Variants in AFF2 observed in about 807,000 individuals in gnomAD.
AFF2 encodes the protein AF4/FMR2 family member 2.
In AFF2, 14 loss-of-function variants were observed where a neutral mutation model predicts 76.9. That is an observed-to-expected ratio of 0.18 (90% CI 0.12 to 0.28). The LOEUF is 0.28. Among genes scored for constraint, AFF2 ranks in the 10% least tolerant of loss-of-function variants. The pLI is 1.00. For synonymous variants in AFF2, 398 were observed against 366.7 expected, an observed-to-expected ratio of 1.09 and a Z score of -0.98; for missense variants, 868 against 1,001.1, an observed-to-expected ratio of 0.87 and a Z score of 1.79.
chrX:148,844,274 T>C (rs146749040), intron 7 of AFF2, among the ~76,000 whole-genome samples: 114 of 111,688 alleles, frequency 1.0e-3, no homozygotes, highest in African/African-American at 3.0e-3. Flanking sequence ...TATTTGCAGG[T>C]CATCAGGCAC....
intron 3 of AFF2, among the ~76,000 whole-genome samples, chrX:148,729,985 T>C (rs2055202415): frequency 1.8e-5 from 2 of 111,947 alleles, no homozygotes; most frequent in African/African-American, 3.2e-5. Flanking sequence ...TTCTACGCAT[T>C]TGTGTGAGTG....
At chrX:148,748,093 A>T (rs781961428) in intron 3 of AFF2, among the ~76,000 whole-genome samples, 8 of 112,117 alleles carry the variant, frequency 7.1e-5, no homozygotes, top group African/African-American at 2.6e-4. Flanking sequence ...GTAATTTTTC[A>T]ATGACGGCTT....
At chrX:148,704,368 GTATATATATATTTATATATATGTGTAGA>G (rs2054847137) in intron 3 of AFF2, among the ~76,000 whole-genome samples, 2 of 27,281 alleles carry the variant, frequency 7.3e-5, no homozygotes, top group Non-Finnish European at 1.2e-4. Flanking sequence ...ATATATGTGT[GTATATATATATTTATATATATGTGTAGA>G]TATATATTTA....
At chrX:148,695,945 T>C (rs1557261228) in intron 3 of AFF2, among the ~76,000 whole-genome samples, 1 of 112,180 alleles carries the variant, frequency 8.9e-6, no homozygotes, top group Non-Finnish European at 1.9e-5. Flanking sequence ...CATGGAGTTA[T>C]TTGATCACTT....
chrX:148,955,572 A>C, intron 10 of AFF2, 31 bp from the exon 11 acceptor site: 6 of 1,179,710 alleles, frequency 5.1e-6, no homozygotes, highest in Non-Finnish European at 5.7e-6. Context: ...AAGTGTAAAA[A>C]TCATTCTTGC....
chrX:148,809,790 G>T, intron 3 of AFF2, 86 bp from the exon 4 acceptor site: 1 of 935,445 alleles, frequency 1.1e-6, no homozygotes, highest in Non-Finnish European at 1.5e-6. Context: ...AGATTTTCTT[G>T]CTTTACAGTT....
At chrX:148,728,719 C>A (rs2055188420) in intron 3 of AFF2, among the ~76,000 whole-genome samples, 1 of 112,257 alleles carries the variant, frequency 8.9e-6, no homozygotes, top group Non-Finnish European at 1.9e-5. Flanking sequence ...TTGTAAGCAC[C>A]TTATTCCAAT....
intron 8 of AFF2, among the ~76,000 whole-genome samples, chrX:148,894,343 A>T (rs2071257563): frequency 9.0e-6 from 1 of 111,242 alleles, no homozygotes; most frequent in African/African-American, 3.3e-5. Flanking sequence ...AACACCAAGG[A>T]CCTTGTTCTG....
At chrX:148,557,921 G>A (rs782448410) in intron 1 of AFF2, among the ~76,000 whole-genome samples, 6 of 111,917 alleles carry the variant, frequency 5.4e-5, no homozygotes, top group African/African-American at 1.9e-4. Flanking sequence ...TATTCACAGA[G>A]AGGTTAAATA....
At chrX:148,733,140 G>T (rs1271400733) in intron 3 of AFF2, among the ~76,000 whole-genome samples, 1 of 111,762 alleles carries the variant, frequency 8.9e-6, no homozygotes, top group African/African-American at 3.2e-5. Flanking sequence ...TTTTACCCTT[G>T]TAAGTGAGCT....
Position 148,953,476 on chromosome X carries a change from C to T in AFF2, c.1398-104C>T, listed in dbSNP as rs1159547358. 16 of 921,254 alleles carry T rather than the reference C, an allele frequency of 1.7e-5. No individual in the cohort carries two copies. The East Asian group carries it at 4.7e-4, about 27-fold the overall frequency. The allele number at this position is 921,254 out of a possible 1,213,427, so 75.9% of individuals were successfully genotyped here. A position where few individuals can be genotyped will look rare whatever the true frequency, so the allele number is the denominator to read the frequency against. On this transcript the variant is annotated intron_variant, in intron 9 of 20. Transcript: ENST00000370460. ...TATAAAATGGGAACGGTAAACCCCACTCTACCTGCATTTCACAGACCACAG... is the reference window on the plus strand; with the variant it reads ...TATAAAATGGGAACGGTAAACCCCATTCTACCTGCATTTCACAGACCACAG...
chrX:148,690,681 G>T (rs141748585), intron 3 of AFF2, among the ~76,000 whole-genome samples: 3,968 of 112,276 alleles, frequency 0.035, 178 homozygotes, highest in African/African-American at 0.12. Flanking sequence ...TGTGCTCAGG[G>T]GCTAAACTGC....
intron 3 of AFF2, among the ~76,000 whole-genome samples, chrX:148,723,335 G>A (rs922981561): frequency 1.8e-5 from 2 of 111,653 alleles, no homozygotes; most frequent in African/African-American, 6.5e-5. Context: ...TTTGATAAGG[G>A]AGAAATTTAA....
chrX:148,527,084 G>T (rs1557235302), intron 1 of AFF2, among the ~76,000 whole-genome samples: 1 of 112,018 alleles, frequency 8.9e-6, no homozygotes, highest in East Asian at 2.8e-4. Flanking sequence ...GTAGCAAATT[G>T]GCAGTGGAGA....
intron 9 of AFF2, among the ~76,000 whole-genome samples, chrX:148,953,262 A>G (rs985241224): frequency 8.9e-6 from 1 of 112,084 alleles, no homozygotes; most frequent in Non-Finnish European, 1.9e-5. Context: ...CACTACATCT[A>G]TATCTGCATC....
Position 148,669,159 on chromosome X carries a change from C to A in AFF2, c.1041+6391C>A, listed in dbSNP as rs1603272745. Among the ~76,000 whole-genome samples the A allele has an allele frequency of 7.2e-5, 8 of 111,861 alleles. 3 individuals carry two copies. In the Admixed American group the frequency reaches 7.6e-4, roughly 11 times the overall value. ...GAGTCACCTTTGCTCCAGTCCCCAACAAGTAACTCATCTCCATCTGAGACC... is the reference window on the plus strand; with the variant it reads ...GAGTCACCTTTGCTCCAGTCCCCAAAAAGTAACTCATCTCCATCTGAGACC... On this transcript the variant is annotated intron_variant, in intron 3 of 20. Transcript: ENST00000370460.
chrX:148,614,789 T>C lies in AFF2; in HGVS notation c.48-37210T>C, dbSNP rs61331652. On this transcript the variant is annotated intron_variant, in intron 1 of 20. Coordinates refer to ENST00000370460, the MANE Select transcript of AFF2 (RefSeq NM_002025.4). ...TTCTTTCTTTCTTTCTTTCTTTCTT[T>C]CTTCCTTTCTCTCTCTCTCTCTCTC... 3.0e-3 allele frequency among the ~76,000 whole-genome samples: 214 copies of C among 70,802 alleles called. 2 individuals carry two copies. The highest frequency in any genetic ancestry group is 0.015 in the African/African-American group (194 of 13,297). The allele number at this position is 70,802 out of a possible 115,157, so 61.5% of individuals were successfully genotyped here.
At chrX:148,849,118 C>T (rs1466629699) in intron 7 of AFF2, among the ~76,000 whole-genome samples, 1 of 111,387 alleles carries the variant, frequency 9.0e-6, no homozygotes, top group Admixed American at 9.5e-5. Flanking sequence ...CATCAAGAAG[C>T]ACTGAAGCTG....
chrX:148,750,930 A>G (rs2055491427), intron 3 of AFF2, among the ~76,000 whole-genome samples: 1 of 111,874 alleles, frequency 8.9e-6, no homozygotes, highest in Non-Finnish European at 1.9e-5. Context: ...GTGAGAGACC[A>G]TGAGCAACTT....
Sources: allele counts gnomAD v4.1 joint callset (sites outside exome capture counted in the v4.1 genomes callset), GRCh38; gene constraint gnomAD v4.1.1; transcripts MANE v1.5; gene names NCBI Gene and HGNC (gene_info 2026-07-23, HGNC 2026-07-21).